The following LSM12 variants were observed in gnomAD, a reference collection of about 807,000 sequenced individuals.
The protein encoded by LSM12 is LSM12 homolog, also known as protein LSM12.
For missense variants in LSM12, 108 were observed against 238.9 expected (o/e 0.45, Z 3.61); for synonymous variants, 74 against 87.3 (o/e 0.85, Z 0.85).
intron 2 of LSM12, among the ~76,000 whole-genome samples, chr17:44,056,221 G>A (rs1190579015): frequency 6.6e-6 from 1 of 151,728 alleles, no homozygotes; most frequent in African/African-American, 2.4e-5. Context: ...CTTGAAACCG[G>A]GAGGCGGAGG....
At chr17:44,051,925 T>C (rs2049649824) in intron 2 of LSM12, among the ~76,000 whole-genome samples, 1 of 151,840 alleles carries the variant, frequency 6.6e-6, no homozygotes, top group African/African-American at 2.4e-5. Flanking sequence ...CTGGCCAACA[T>C]GGTGAAACCC....
intron 2 of LSM12, among the ~76,000 whole-genome samples, chr17:44,056,763 C>T (rs552091232): frequency 3.2e-4 from 48 of 151,620 alleles, no homozygotes; most frequent in Non-Finnish European, 6.0e-4. Flanking sequence ...TTTGGGAGGC[C>T]GAGGCAAATC....
chr17:44,047,226 A>G (rs1042970625), intron 2 of LSM12, among the ~76,000 whole-genome samples: 4 of 152,082 alleles, frequency 2.6e-5, no homozygotes, highest in African/African-American at 9.7e-5. Flanking sequence ...TACAGTATTC[A>G]AAGCTTTTGC....
intron 2 of LSM12, among the ~76,000 whole-genome samples, chr17:44,058,788 C>T (rs1022929280): frequency 6.6e-6 from 1 of 151,872 alleles, no homozygotes; most frequent in African/African-American, 2.4e-5. Context: ...GCCGAGATCA[C>T]GGCACCACCG....
chr17:44,046,982 G>A (rs963066187), intron 2 of LSM12, among the ~76,000 whole-genome samples: 32 of 151,262 alleles, frequency 2.1e-4, no homozygotes, highest in East Asian at 8.2e-4. Flanking sequence ...CACCCGCCTC[G>A]ACCTCCCAAA....
At chr17:44,040,935 C>T (rs1470984021) in intron 2 of LSM12, among the ~76,000 whole-genome samples, 7 of 151,608 alleles carry the variant, frequency 4.6e-5, no homozygotes, top group Non-Finnish European at 7.4e-5. Context: ...GAGCTGAGAT[C>T]GCGCCACTGC....
At chr17:44,036,367 A>T (rs1366815693) in intron 4 of LSM12, 67 bp from the exon 5 acceptor site, 2 of 1,601,324 alleles carry the variant, frequency 1.2e-6, no homozygotes, top group Admixed American at 3.4e-5. Context: ...AAACAATCCA[A>T]CCCAGGTTTC....
chr17:44,044,169 G>C (rs1378074932), intron 2 of LSM12, among the ~76,000 whole-genome samples: 1 of 152,034 alleles, frequency 6.6e-6, no homozygotes, highest in African/African-American at 2.4e-5. Context: ...TTTAAGAATG[G>C]AACTGACAAA....
intron 3 of LSM12, 21 bp from the exon 4 acceptor site, chr17:44,037,559 G>A (rs754401642): frequency 3.8e-6 from 6 of 1,596,014 alleles, no homozygotes; most frequent in South Asian, 1.1e-5. Flanking sequence ...AAGACAGCAG[G>A]CGAAATGTAA....
At chr17:44,039,255 A>G (rs1567955040) in intron 3 of LSM12, among the ~76,000 whole-genome samples, 1 of 150,324 alleles carries the variant, frequency 6.7e-6, no homozygotes, top group Non-Finnish European at 1.5e-5. Flanking sequence ...GGGTTTCAAC[A>G]TGTTGGTCAG....
intron 2 of LSM12, among the ~76,000 whole-genome samples, chr17:44,052,747 G>A (rs529726682): frequency 8.6e-5 from 13 of 151,130 alleles, no homozygotes; most frequent in Non-Finnish European, 1.8e-4. Context: ...CAACAAGAGC[G>A]AAACTCTGTC....
chr17:44,043,962 T>C (rs2049528563), intron 2 of LSM12, among the ~76,000 whole-genome samples: 1 of 152,126 alleles, frequency 6.6e-6, no homozygotes, highest in Non-Finnish European at 1.5e-5. Context: ...TAAAAACGTT[T>C]ATTCCTGAAA....
intron 2 of LSM12, among the ~76,000 whole-genome samples, chr17:44,059,497 C>A (rs112611524): frequency 5.3e-5 from 8 of 151,586 alleles, no homozygotes; most frequent in African/African-American, 1.9e-4. Flanking sequence ...GAGGCTGAGA[C>A]AGGAGAATCG....
At chr17:44,049,174 G>A (rs1165197111) in intron 2 of LSM12, among the ~76,000 whole-genome samples, 1 of 152,134 alleles carries the variant, frequency 6.6e-6, no homozygotes, top group Non-Finnish European at 1.5e-5. Flanking sequence ...CTGTGTGACA[G>A]AGACTCTGTC....
chr17:44,047,822 A>G (rs2057505223), intron 2 of LSM12, among the ~76,000 whole-genome samples: 1 of 151,326 alleles, frequency 6.6e-6, no homozygotes, highest in African/African-American at 2.4e-5. Flanking sequence ...ATCTCAAATC[A>G]TCCTCCCACC....
At chr17:44,050,752 C>T (rs906195997) in intron 2 of LSM12, among the ~76,000 whole-genome samples, 4 of 152,074 alleles carry the variant, frequency 2.6e-5, no homozygotes, top group East Asian at 1.9e-4. Flanking sequence ...AACCCCTGAC[C>T]GCAAGTGATC....
Position 44,066,496 on chromosome 17 carries a change from G to C in LSM12, c.92C>G (p.Ala31Gly). ...CAGCATTTTGGATTGGTAGTCAAAGGCTACCACCTCGCCCTGCAGCCGCTG... is the reference window on the plus strand; with the variant it reads ...CAGCATTTTGGATTGGTAGTCAAAGCCTACCACCTCGCCCTGCAGCCGCTG... The part of the protein sequence containing the change: ...QEQRLQGEVV[A>G]FDYQSKMLAL... The change falls in exon 1 of 5, where the codon GCC (alanine) becomes GGC (glycine). Residue 31 changes from alanine to glycine, a missense_variant. By Grantham distance (60) the Ala-to-Gly change is moderately conservative. Coordinates refer to ENST00000293406, the MANE Select transcript of LSM12 (RefSeq NM_001371445.1). The C allele has an allele frequency of 1.9e-6, 3 of 1,543,092 alleles. No individual in the cohort carries two copies. The highest frequency in any genetic ancestry group is 8.7e-7 in the Non-Finnish European group (1 of 1,146,108).
chr17:44,043,377 TTACA>T (rs1223055905), intron 2 of LSM12, among the ~76,000 whole-genome samples: 3 of 152,098 alleles, frequency 2.0e-5, no homozygotes, highest in Non-Finnish European at 4.4e-5. Context: ...GGCTATAACT[TTACA>T]GACAAATAAA....
intron 1 of LSM12, among the ~76,000 whole-genome samples, chr17:44,064,577 A>C (rs1434264016): frequency 1.3e-4 from 20 of 152,156 alleles, no homozygotes; most frequent in African/African-American, 4.8e-4. Context: ...TACCAAAAAA[A>C]AAAAAATTAG....
Sources: gnomAD v4.1 joint callset for allele counts (sites outside exome capture counted in the v4.1 genomes callset) on GRCh38, gnomAD v4.1.1 for gene constraint, MANE v1.5 for transcripts, NCBI Gene and HGNC (gene_info 2026-07-23, HGNC 2026-07-21) for gene names.